PITPNA: variants seen among roughly 807,000 people sequenced by gnomAD.
PITPNA encodes the protein phosphatidylinositol transfer protein alpha isoform.
Under a neutral mutation model 50.3 loss-of-function variants are expected in PITPNA, and 13 were observed. The ratio of observed to expected loss-of-function variants is 0.26; its 90% CI spans 0.17 to 0.41. The LOEUF (loss-of-function observed/expected upper bound fraction) is 0.41, where lower values mean the gene tolerates loss of function less well. Among genes scored for constraint, PITPNA ranks in the 10% least tolerant of loss-of-function variants. PITPNA has a pLI of 1.00. For missense variants in PITPNA, 207 were observed against 333.4 expected (o/e 0.62, Z 2.95); for synonymous variants, 120 against 119.6 (o/e 1.00, Z -0.02).
In PITPNA at chr17:1,538,862, A is replaced by T; in HGVS notation, c.456+7T>A. The T allele has an allele frequency of 6.2e-7, 1 of 1,602,680 alleles. No individual in the cohort carries two copies. The highest frequency in any genetic ancestry group is 8.5e-7 in the Non-Finnish European group (1 of 1,169,914). On this transcript the variant is annotated splice_region_variant and intron_variant, in intron 7 of 11. Coordinates refer to ENST00000313486, the MANE Select transcript of PITPNA (RefSeq NM_006224.4). ...GAAGGCCACCCACGTCTTTAAACGG[A>T]TCCTACCTTGCTGAGCACTTGGCTT...
intron 10 of PITPNA, among the ~76,000 whole-genome samples, chr17:1,533,460 T>A (rs2075596061): frequency 6.6e-6 from 1 of 152,112 alleles, no homozygotes; most frequent in Non-Finnish European, 1.5e-5. Flanking sequence ...CTCAGAATGG[T>A]AGACGGCACA....
At chr17:1,521,987 G>C (rs2075516427) in intron 10 of PITPNA, among the ~76,000 whole-genome samples, 1 of 150,498 alleles carries the variant, frequency 6.6e-6, no homozygotes, top group South Asian at 2.1e-4. Context: ...ACCTCCCAAA[G>C]TGCTGGGATT....
At chr17:1,553,552 G>T (rs1001689060) in intron 2 of PITPNA, among the ~76,000 whole-genome samples, 2 of 152,036 alleles carry the variant, frequency 1.3e-5, no homozygotes, top group African/African-American at 2.4e-5. Flanking sequence ...AATCCATCAG[G>T]ATTTAAAGAG....
At chr17:1,550,108 CTG>C (rs1230188544) in intron 3 of PITPNA, among the ~76,000 whole-genome samples, 1 of 152,192 alleles carries the variant, frequency 6.6e-6, no homozygotes, top group East Asian at 1.9e-4. Flanking sequence ...GGGGCGGCCT[CTG>C]TGATTCACGA....
chr17:1,546,369 G>A (rs940191795), intron 4 of PITPNA, among the ~76,000 whole-genome samples: 4 of 152,114 alleles, frequency 2.6e-5, no homozygotes, highest in African/African-American at 9.7e-5. Context: ...ACCAATGACC[G>A]CAAATCTCCT....
At chr17:1,525,273 C>A (rs2075540824) in intron 10 of PITPNA, among the ~76,000 whole-genome samples, 2 of 152,068 alleles carry the variant, frequency 1.3e-5, no homozygotes, top group Admixed American at 1.3e-4. Context: ...CAAACATGAG[C>A]CACCACACCC....
chr17:1,530,459 T>C (rs1209109002), intron 10 of PITPNA, among the ~76,000 whole-genome samples: 1 of 152,222 alleles, frequency 6.6e-6, no homozygotes, highest in Non-Finnish European at 1.5e-5. Context: ...GCTTCCCAAA[T>C]CTTCAAGCCT....
intron 6 of PITPNA, among the ~76,000 whole-genome samples, chr17:1,539,436 T>G (rs1293278336): frequency 2.3e-4 from 27 of 117,048 alleles, no homozygotes; most frequent in South Asian, 1.2e-3. Flanking sequence ...AGCTGGGCCC[T>G]AGTGATCCTC....
intron 4 of PITPNA, among the ~76,000 whole-genome samples, chr17:1,546,196 TA>T (rs2075673514): frequency 2.6e-5 from 4 of 152,152 alleles, no homozygotes; most frequent in Non-Finnish European, 4.4e-5. Flanking sequence ...CTCAAAGTGC[TA>T]GGATTACAGG....
rs561284352 is a variant in PITPNA at position 1,519,078 on chromosome 17, A to T, written c.*1483T>A. On this transcript the variant is annotated 3_prime_UTR_variant, in exon 12 of 12. Transcript: ENST00000313486. Reference sequence around the variant, plus strand: ...AGGGAAGCATCCATCAGGATGTCACAGGTGCAATCCTGTGAGACACTCCCT... The same window carrying T: ...AGGGAAGCATCCATCAGGATGTCACTGGTGCAATCCTGTGAGACACTCCCT... 2.6e-5 allele frequency: 4 copies of T among 152,478 alleles called. No homozygotes were observed. The highest frequency in any genetic ancestry group is 5.9e-5 in the Non-Finnish European group (4 of 68,044). 9.4% of individuals were successfully genotyped at this position (152,478 alleles called of 1,614,324 possible).
chr17:1,544,303 G>A (rs1413540624), intron 4 of PITPNA, among the ~76,000 whole-genome samples: 1 of 152,182 alleles, frequency 6.6e-6, no homozygotes, highest in Non-Finnish European at 1.5e-5. Context: ...GGAATGTCCC[G>A]TTTCGGTAGC....
At chr17:1,546,779 C>G (rs954291328) in intron 4 of PITPNA, among the ~76,000 whole-genome samples, 1 of 152,180 alleles carries the variant, frequency 6.6e-6, no homozygotes, top group African/African-American at 2.4e-5. Context: ...GGCTAAGAAT[C>G]TGAATCACTC....
intron 7 of PITPNA, 180 bp downstream of exon 7, chr17:1,538,689 T>C (rs1351350700): frequency 1.1e-5 from 6 of 522,122 alleles, no homozygotes; most frequent in African/African-American, 1.9e-5. Context: ...CCACTAATTT[T>C]CTGGTGGCAT....
chr17:1,546,063 G>A (rs577271529), intron 4 of PITPNA, among the ~76,000 whole-genome samples: 1 of 151,760 alleles, frequency 6.6e-6, no homozygotes, highest in Admixed American at 6.6e-5. Context: ...AAGTAGCTGG[G>A]GTTACAGGCA....
At chr17:1,527,357 C>T (rs2075553736) in intron 10 of PITPNA, among the ~76,000 whole-genome samples, 1 of 152,126 alleles carries the variant, frequency 6.6e-6, no homozygotes, top group African/African-American at 2.4e-5. Context: ...GATTCTCCTG[C>T]CTCAGCCTCC....
chr17:1,523,189 A>C (rs1489830086), intron 10 of PITPNA, among the ~76,000 whole-genome samples: 1 of 152,202 alleles, frequency 6.6e-6, no homozygotes, highest in African/African-American at 2.4e-5. Flanking sequence ...TCATCTCTCT[A>C]AAATCAGTTC....
intron 10 of PITPNA, among the ~76,000 whole-genome samples, chr17:1,522,422 G>A (rs577496001): frequency 6.6e-6 from 1 of 152,000 alleles, no homozygotes; most frequent in East Asian, 1.9e-4. Flanking sequence ...GCCCAGGCTG[G>A]AGTGCAGTGG....
chr17:1,561,996 G>A (rs1028657845), intron 1 of PITPNA, among the ~76,000 whole-genome samples: 5 of 151,900 alleles, frequency 3.3e-5, no homozygotes, highest in African/African-American at 1.2e-4. Flanking sequence ...TCTCAGCGCC[G>A]CCTGCAGTCC....
chr17:1,555,449 TCGGATGG>T (rs1358561960), intron 2 of PITPNA, among the ~76,000 whole-genome samples: 1 of 152,084 alleles, frequency 6.6e-6, no homozygotes, highest in Non-Finnish European at 1.5e-5. Context: ...GCAGCCAGAC[TCGGATGG>T]GGCAGAGATA....
Sources: allele counts gnomAD v4.1 joint callset (sites outside exome capture counted in the v4.1 genomes callset), GRCh38; gene constraint gnomAD v4.1.1; transcripts MANE v1.5; gene names NCBI Gene and HGNC (gene_info 2026-07-23, HGNC 2026-07-21).